Variants in FANCC observed in about 807,000 individuals in gnomAD.
The protein encoded by FANCC is FA complementation group C.
FANCC carries 55 observed loss-of-function variants against 71.3 expected under a neutral mutation model. The ratio of observed to expected loss-of-function variants is 0.77; its 90% confidence interval spans 0.62 to 0.97. The LOEUF is 0.97. Among genes scored for constraint, FANCC ranks in the 50% least tolerant of loss-of-function variants. The probability of loss-of-function intolerance (pLI) is 0.00; values close to 1 mark genes in which losing one functional copy is unlikely to be tolerated. For synonymous variants in FANCC, 275 were observed against 244.9 expected, an observed-to-expected ratio of 1.12 and a Z score of -1.15; for missense variants, 678 against 670.9, an observed-to-expected ratio of 1.01 and a Z score of -0.12.
intron 7 of FANCC, among the ~76,000 whole-genome samples, chr9:95,141,032 G>A (rs984900131): frequency 3.3e-5 from 5 of 152,062 alleles, no homozygotes; most frequent in African/African-American, 1.2e-4. Flanking sequence ...GGATGTGGCT[G>A]GGCACAGTGT....
At chr9:95,178,027 T>A (rs976094727) in intron 4 of FANCC, among the ~76,000 whole-genome samples, 1 of 152,130 alleles carries the variant, frequency 6.6e-6, no homozygotes, top group Non-Finnish European at 1.5e-5. Context: ...CTTAAAACAT[T>A]ATAAGATTAT....
intron 4 of FANCC, among the ~76,000 whole-genome samples, chr9:95,206,427 T>C (rs1383252146): frequency 6.6e-6 from 1 of 152,142 alleles, no homozygotes; most frequent in African/African-American, 2.4e-5. Context: ...CTTTTTATAA[T>C]CTGTTGCATG....
At chr9:95,191,663 C>A (rs557547325) in intron 4 of FANCC, among the ~76,000 whole-genome samples, 2 of 152,196 alleles carry the variant, frequency 1.3e-5, no homozygotes, top group Admixed American at 1.3e-4. Context: ...ATCCCCAAGC[C>A]CCTTTTTCAT....
intron 1 of FANCC, among the ~76,000 whole-genome samples, chr9:95,305,858 G>A (rs1354759664): frequency 1.3e-5 from 2 of 152,164 alleles, no homozygotes; most frequent in African/African-American, 4.8e-5. Context: ...TAATATTAAT[G>A]ACAATCCCAC....
In FANCC at chr9:95,099,646, T is replaced by C; in HGVS notation, c.*2061A>G. 4.3e-6 allele frequency: 1 copy of C among 231,410 alleles called. No individual in the cohort carries two copies. Among genetic ancestry groups the C allele is most frequent in the Non-Finnish European group, 8.5e-6 (1 of 117,032 alleles). The allele number at this position is 231,410 out of a possible 1,614,324, so 14.3% of individuals were successfully genotyped here. Reference sequence around the variant, plus strand: ...GGCTGGGAAAGGGCAAAGGGCCACATGAAGCCAGCAGGCACTTCAGTGCCA... The same window carrying C: ...GGCTGGGAAAGGGCAAAGGGCCACACGAAGCCAGCAGGCACTTCAGTGCCA... On this transcript the variant is annotated 3_prime_UTR_variant, in exon 15 of 15. Transcript: ENST00000289081.
At chr9:95,102,327 C>G (rs1036470395) in intron 14 of FANCC, among the ~76,000 whole-genome samples, 2 of 152,228 alleles carry the variant, frequency 1.3e-5, no homozygotes, top group African/African-American at 4.8e-5. Flanking sequence ...ACCGGACCTA[C>G]TTGCTTTTTA....
intron 13 of FANCC, among the ~76,000 whole-genome samples, chr9:95,109,009 G>A (rs200262330): frequency 6.6e-6 from 1 of 151,802 alleles, no homozygotes; most frequent in African/African-American, 2.4e-5. Context: ...GAGCTCAAGC[G>A]ATCCTTCCAT....
chr9:95,179,925 A>G (rs965178294), intron 4 of FANCC, among the ~76,000 whole-genome samples: 9 of 152,244 alleles, frequency 5.9e-5, no homozygotes, highest in African/African-American at 1.9e-4. Flanking sequence ...AAGTTTATCC[A>G]TAACATTAGC....
At chr9:95,266,237 C>T (rs1832377818) in intron 1 of FANCC, among the ~76,000 whole-genome samples, 1 of 152,124 alleles carries the variant, frequency 6.6e-6, no homozygotes, top group South Asian at 2.1e-4. Flanking sequence ...GTAACTCTTA[C>T]ACAACCACAA....
intron 6 of FANCC, among the ~76,000 whole-genome samples, chr9:95,153,940 A>G (rs568975451): frequency 6.6e-6 from 1 of 152,306 alleles, no homozygotes; most frequent in East Asian, 1.9e-4. Context: ...AATACAAACT[A>G]TAACATCAAA....
In FANCC at chr9:95,099,164, T is replaced by C. The variant is rs1448758366; in HGVS notation, c.*2543A>G. Reference sequence around the variant, plus strand: ...CACGGAGTCCAGGGGAATAACAGCCTGGTTGGAGGGGCGCTCTCCGCCTCT... The same window carrying C: ...CACGGAGTCCAGGGGAATAACAGCCCGGTTGGAGGGGCGCTCTCCGCCTCT... On this transcript the variant is annotated 3_prime_UTR_variant, in exon 15 of 15. Transcript: ENST00000289081. The C allele has an allele frequency of 9.2e-6, 2 of 216,840 alleles. No individual in the cohort carries two copies. The highest frequency in any genetic ancestry group is 4.5e-5 in the African/African-American group (2 of 44,368). The allele number at this position is 216,840 out of a possible 1,614,324, so 13.4% of individuals were successfully genotyped here.
intron 4 of FANCC, among the ~76,000 whole-genome samples, chr9:95,193,500 T>C (rs1000504657): frequency 5.3e-5 from 8 of 152,140 alleles, no homozygotes; most frequent in African/African-American, 1.9e-4. Context: ...TTTTCAAAAG[T>C]ATTAAATTTG....
chr9:95,153,213 G>A (rs1263772522), intron 6 of FANCC, among the ~76,000 whole-genome samples: 2 of 152,178 alleles, frequency 1.3e-5, no homozygotes, highest in Admixed American at 6.5e-5. Flanking sequence ...GCTGAGTAGT[G>A]TATATATACC....
intron 4 of FANCC, among the ~76,000 whole-genome samples, chr9:95,194,833 T>C (rs1827325549): frequency 6.6e-6 from 1 of 152,194 alleles, no homozygotes; most frequent in Non-Finnish European, 1.5e-5. Flanking sequence ...CACAAGGTTT[T>C]AGTTTTGATG....
intron 1 of FANCC, among the ~76,000 whole-genome samples, chr9:95,282,776 G>A (rs898044568): frequency 1.6e-4 from 25 of 152,120 alleles, no homozygotes; most frequent in African/African-American, 5.5e-4. Context: ...TCAATAAAAG[G>A]GGAAACCTTG....
At chr9:95,144,224 A>C (rs536996508) in intron 7 of FANCC, among the ~76,000 whole-genome samples, 28 of 152,224 alleles carry the variant, frequency 1.8e-4, no homozygotes, top group Non-Finnish European at 3.2e-4. Flanking sequence ...CGCCTACGGG[A>C]AAGTGTCCAT....
At chr9:95,140,214 G>T (rs1402558809) in intron 7 of FANCC, among the ~76,000 whole-genome samples, 1 of 151,894 alleles carries the variant, frequency 6.6e-6, no homozygotes, top group Non-Finnish European at 1.5e-5. Flanking sequence ...TTCCAGTCAG[G>T]GCTCCACCTA....
chr9:95,311,635 C>G (rs1179623459), intron 1 of FANCC, among the ~76,000 whole-genome samples: 1 of 151,996 alleles, frequency 6.6e-6, no homozygotes. Context: ...CTCAGCCTCT[C>G]AAATAGTTGG....
At chr9:95,189,847 C>G (rs571619948) in intron 4 of FANCC, among the ~76,000 whole-genome samples, 31 of 152,316 alleles carry the variant, frequency 2.0e-4, no homozygotes, top group African/African-American at 6.3e-4. Context: ...GCTTTTCTTC[C>G]TGGTGCCCAC....
Sources: gnomAD v4.1 joint callset for allele counts (sites outside exome capture counted in the v4.1 genomes callset) on GRCh38, gnomAD v4.1.1 for gene constraint, MANE v1.5 for transcripts, NCBI Gene and HGNC (gene_info 2026-07-23, HGNC 2026-07-21) for gene names.